SYNE3: variants seen among roughly 807,000 people sequenced by gnomAD.
SYNE3 encodes nesprin-3.
Under a neutral mutation model 111.2 loss-of-function variants are expected in SYNE3, and 100 were observed. The ratio of observed to expected loss-of-function variants is 0.90; its 90% CI spans 0.77 to 1.06. The LOEUF is 1.06. Ranked by LOEUF, SYNE3 falls within the 50% of genes least tolerant of loss-of-function variation. The pLI, the probability that SYNE3 is intolerant of heterozygous loss-of-function variation, is 0.00. For missense variants in SYNE3, 1,160 were observed against 1,240.3 expected (o/e 0.94, Z 0.97); for synonymous variants, 547 against 533.9 (o/e 1.02, Z -0.34).
chr14:95,468,318 A>AT (rs1167821889), intron 2 of SYNE3, among the ~76,000 whole-genome samples: 1 of 152,072 alleles, frequency 6.6e-6, no homozygotes, highest in East Asian at 1.9e-4. Context: ...TATCTCTCAG[A>AT]TTTTTTTCAG....
chr14:95,475,399 G>A (rs923411783), intron 2 of SYNE3, among the ~76,000 whole-genome samples: 1 of 152,218 alleles, frequency 6.6e-6, no homozygotes, highest in African/African-American at 2.4e-5. Flanking sequence ...GAGGATGAGA[G>A]GACAGGCTCT....
intron 4 of SYNE3, among the ~76,000 whole-genome samples, chr14:95,457,632 T>G (rs1378791772): frequency 1.3e-5 from 2 of 152,192 alleles, no homozygotes; most frequent in Admixed American, 6.5e-5. Context: ...CATTCAAGAC[T>G]GAGGTGCGGC....
intron 11 of SYNE3, among the ~76,000 whole-genome samples, chr14:95,440,804 G>C (rs1886375090): frequency 6.6e-6 from 1 of 152,228 alleles, no homozygotes; most frequent in Non-Finnish European, 1.5e-5. Context: ...ATGACCGCAG[G>C]CACAGAGGCT....
chr14:95,491,523 T>A (rs1018155237), intron 1 of SYNE3, among the ~76,000 whole-genome samples: 1 of 152,076 alleles, frequency 6.6e-6, no homozygotes, highest in Non-Finnish European at 1.5e-5. Context: ...GATATCCACA[T>A]GAAAAAGAAT....
rs772520664 is a variant in SYNE3, at chr14:95,502,609, C to T, written c.-15+13987G>A. 1.1e-4 allele frequency among the ~76,000 whole-genome samples: 16 copies of T among 152,262 alleles called. 1 individual carries two copies. The highest frequency in any genetic ancestry group is 7.7e-4 in the East Asian group (4 of 5,180). On this transcript the variant is annotated intron_variant, in intron 1 of 17. Transcript: ENST00000682763. ...CCACTGTGGGTGCCCCGCAAGCCCA[C>T]GTGCCAAACTGAAGCAACAAGCAAC...
chr14:95,501,739 A>C (rs1047015615), intron 1 of SYNE3, among the ~76,000 whole-genome samples: 5 of 152,182 alleles, frequency 3.3e-5, no homozygotes, highest in Non-Finnish European at 5.9e-5. Context: ...GGAAGCAACA[A>C]GATGTGCAGC....
chr14:95,509,410 T>A (rs1343944092), intron 1 of SYNE3, among the ~76,000 whole-genome samples: 2 of 151,448 alleles, frequency 1.3e-5, no homozygotes, highest in African/African-American at 4.9e-5. Flanking sequence ...AAGCAGGGAG[T>A]CACCTACCAG....
chr14:95,483,180 C>A (rs1272469427), intron 1 of SYNE3, among the ~76,000 whole-genome samples: 1 of 152,226 alleles, frequency 6.6e-6, no homozygotes, highest in Non-Finnish European at 1.5e-5. Flanking sequence ...CAGCTGCCCA[C>A]TGACATTCTG....
chr14:95,443,357 G>T, intron 10 of SYNE3, 68 bp from the exon 11 acceptor site: 1 of 1,584,308 alleles, frequency 6.3e-7, no homozygotes, highest in Non-Finnish European at 8.6e-7. Context: ...GGCCGATCAG[G>T]GCAGAGCCTC....
At chr14:95,444,987 C>T (rs879474235) in intron 9 of SYNE3, among the ~76,000 whole-genome samples, 27 of 152,348 alleles carry the variant, frequency 1.8e-4, no homozygotes, top group African/African-American at 4.6e-4. Flanking sequence ...GCTGCGACAG[C>T]GACTGCCTGC....
rs957728464 is a variant in SYNE3 at position 95,490,061 on chromosome 14, A to G, written c.-14-14226T>C. 3.9e-5 allele frequency among the ~76,000 whole-genome samples: 6 copies of G among 152,122 alleles called. 1 individual carries two copies. The highest frequency in any genetic ancestry group is 3.9e-4 in the East Asian group (2 of 5,174). On this transcript the variant is annotated intron_variant, in intron 1 of 17. Transcript: ENST00000682763. ...AATAGTTCACACCTGACTTCCACCCACTCTGAGACGAGTGAGCTTTAAGTT... is the reference window on the plus strand; with the variant it reads ...AATAGTTCACACCTGACTTCCACCCGCTCTGAGACGAGTGAGCTTTAAGTT...
In SYNE3 at chr14:95,465,542, T is replaced by C. The variant is rs190729793; in HGVS notation, c.627+389A>G. On this transcript the variant is annotated intron_variant, in intron 4 of 17. Coordinates refer to ENST00000682763, the MANE Select transcript of SYNE3 (RefSeq NM_152592.6). ...ATGGGTAGGTGAATGAGTAGATAGA[T>C]GAATGCGTGGGCGATTAAGTGGTTG... is the stretch of plus-strand genomic sequence containing the variant. Among the ~76,000 whole-genome samples the C allele has an allele frequency of 5.1e-3, 774 of 152,116 alleles. 5 individuals carry two copies. The highest frequency in any genetic ancestry group is 5.5e-3 in the Non-Finnish European group (371 of 67,986).
At chr14:95,507,079 C>T (rs538565190) in intron 1 of SYNE3, among the ~76,000 whole-genome samples, 65 of 152,338 alleles carry the variant, frequency 4.3e-4, no homozygotes, top group Non-Finnish European at 7.3e-4. Flanking sequence ...GGCACCTGCA[C>T]CCCCACCTTA....
Position 95,457,156 on chromosome 14 carries a change from TGA to T in SYNE3, c.789+19_789+20del. 2 of 1,610,134 alleles carry T rather than the reference TGA, an allele frequency of 1.2e-6. No homozygotes were observed. Among genetic ancestry groups the T allele is most frequent in the Non-Finnish European group, 1.7e-6 (2 of 1,178,314 alleles). On this transcript the variant is annotated intron_variant, in intron 5 of 17. Transcript: ENST00000682763. ...TGACTGTCCCTAGGGTCCCTCTGGT[TGA>T]GACACAGCTGGGGATTACCTGCAGT...
At chr14:95,427,500 A>C (rs573158366) in intron 17 of SYNE3, among the ~76,000 whole-genome samples, 2 of 152,322 alleles carry the variant, frequency 1.3e-5, no homozygotes, top group East Asian at 1.9e-4. Flanking sequence ...TGCCTTCTAG[A>C]TAGCAGTAGC....
intron 1 of SYNE3, among the ~76,000 whole-genome samples, chr14:95,512,076 C>A (rs904528439): frequency 6.6e-6 from 1 of 152,190 alleles, no homozygotes; most frequent in Non-Finnish European, 1.5e-5. Flanking sequence ...CATCTGAGGT[C>A]ATAGAGTGTT....
intron 17 of SYNE3, among the ~76,000 whole-genome samples, chr14:95,420,767 T>C (rs116428815): frequency 0.024 from 3,685 of 152,060 alleles, 137 homozygotes; most frequent in African/African-American, 0.084. Flanking sequence ...CACAACCTTC[T>C]AAGAAGCCAA....
intron 15 of SYNE3, among the ~76,000 whole-genome samples, chr14:95,436,352 C>T (rs927969333): frequency 3.9e-5 from 6 of 152,152 alleles, no homozygotes; most frequent in South Asian, 4.1e-4. Flanking sequence ...CAGGAGTATA[C>T]GAGATGTGTA....
At chr14:95,461,652 C>T (rs1207997467) in intron 4 of SYNE3, among the ~76,000 whole-genome samples, 3 of 152,238 alleles carry the variant, frequency 2.0e-5, no homozygotes, top group Non-Finnish European at 4.4e-5. Flanking sequence ...CAAGCAGTGG[C>T]AATGGGCTCT....
Sources: allele counts gnomAD v4.1 joint callset (sites outside exome capture counted in the v4.1 genomes callset), GRCh38; gene constraint gnomAD v4.1.1; transcripts MANE v1.5; gene names NCBI Gene and HGNC (gene_info 2026-07-23, HGNC 2026-07-21).